The following ARFGEF1 variants were observed in gnomAD, a reference collection of about 807,000 sequenced individuals.
ARFGEF1 encodes the protein ARF guanine nucleotide exchange factor 1.
In ARFGEF1, 42 loss-of-function variants were observed where a neutral mutation model predicts 231.0. That is an observed-to-expected ratio of 0.18 (90% CI 0.14 to 0.24). The LOEUF (loss-of-function observed/expected upper bound fraction) is 0.24. ARFGEF1 is among the 10% of genes least tolerant of loss of function. The pLI is 1.00. For synonymous variants in ARFGEF1, 710 were observed against 732.3 expected, an observed-to-expected ratio of 0.97 and a Z score of 0.49; for missense variants, 1,345 against 2,192.0, an observed-to-expected ratio of 0.61 and a Z score of 7.72.
Position 67,198,335 on chromosome 8 carries a change from T to G in ARFGEF1, c.*599A>C, listed in dbSNP as rs1838180227. On this transcript the variant is annotated 3_prime_UTR_variant, in exon 39 of 39. Coordinates refer to ENST00000262215, the MANE Select transcript of ARFGEF1 (RefSeq NM_006421.5). ...GGTATTTAGCAAATGAATAAGAAAA[T>G]AAAGAAAACAGTGCAGGAAGAACTA... 3.0e-6 allele frequency: 3 copies of G among 983,974 alleles called. No individual in the cohort carries two copies. The highest frequency in any genetic ancestry group is 3.6e-6 in the Non-Finnish European group (3 of 828,436). The allele number at this position is 983,974 out of a possible 1,614,324, so 61.0% of individuals were successfully genotyped here. A position where few individuals can be genotyped will look rare whatever the true frequency, so the allele number is the denominator to read the frequency against.
chr8:67,203,319 T>C (rs1453571419), intron 35 of ARFGEF1, 68 bp from the exon 36 acceptor site: 7 of 1,545,442 alleles, frequency 4.5e-6, no homozygotes, highest in Non-Finnish European at 6.2e-6. Flanking sequence ...TACAACTCAA[T>C]GCTCCCCAAA....
chr8:67,275,861 T>A, intron 9 of ARFGEF1, 115 bp downstream of exon 9: 1 of 1,363,054 alleles, frequency 7.3e-7, no homozygotes, highest in Non-Finnish European at 9.9e-7. Flanking sequence ...TCCACCCAAT[T>A]TTTTTTTATG....
At chr8:67,337,732 G>C (rs1808414414) in intron 1 of ARFGEF1, among the ~76,000 whole-genome samples, 1 of 152,156 alleles carries the variant, frequency 6.6e-6, no homozygotes, top group Non-Finnish European at 1.5e-5. Context: ...CTCACAGATA[G>C]GACTTTCCTG....
intron 14 of ARFGEF1, among the ~76,000 whole-genome samples, chr8:67,260,868 A>G (rs560499566): frequency 6.6e-6 from 1 of 152,334 alleles, no homozygotes; most frequent in East Asian, 1.9e-4. Context: ...TCCAGTGAAT[A>G]CACCAGTAGG....
rs975502344 is a variant in ARFGEF1, at chr8:67,323,925, C to T, written c.124+19239G>A. ...ATGCCATTCTCCTGCCTCAGCCTCC[C>T]AAGTAGCTGGGACTACAGGCACCTG... On this transcript the variant is annotated intron_variant, in intron 1 of 38. Transcript: ENST00000262215. 6.6e-5 allele frequency among the ~76,000 whole-genome samples: 10 copies of T among 152,004 alleles called. No individual in the cohort carries two copies. In the East Asian group the frequency reaches 1.9e-3, roughly 29 times the overall value.
intron 4 of ARFGEF1, among the ~76,000 whole-genome samples, chr8:67,298,943 A>G (rs1212507559): frequency 1.3e-5 from 2 of 151,850 alleles, no homozygotes; most frequent in Non-Finnish European, 2.9e-5. Context: ...TTTTTTTGGT[A>G]TTTTTAGTAG....
chr8:67,329,575 A>G (rs1176562490), intron 1 of ARFGEF1, among the ~76,000 whole-genome samples: 3 of 149,916 alleles, frequency 2.0e-5, no homozygotes, highest in African/African-American at 7.3e-5. Context: ...TAAATAAATA[A>G]AAAGAATTTT....
intron 33 of ARFGEF1, 85 bp downstream of exon 33, chr8:67,216,505 A>C: frequency 1.6e-6 from 2 of 1,219,782 alleles, no homozygotes; most frequent in Non-Finnish European, 2.3e-6. Flanking sequence ...ATGGATTAAG[A>C]CAATTACATG....
At chr8:67,290,198 T>C (rs1805947640) in intron 6 of ARFGEF1, among the ~76,000 whole-genome samples, 1 of 152,166 alleles carries the variant, frequency 6.6e-6, no homozygotes, top group African/African-American at 2.4e-5. Context: ...GGAAACTATG[T>C]CTTTCTAACT....
chr8:67,239,209 T>C (rs188974811), intron 20 of ARFGEF1, among the ~76,000 whole-genome samples: 1 of 152,052 alleles, frequency 6.6e-6, no homozygotes, highest in African/African-American at 2.4e-5. Context: ...GGTTTCACCA[T>C]GTTGGCCAGG....
At chr8:67,192,803 CG>C (rs1298560582), downstream of ARFGEF1, among the ~76,000 whole-genome samples, 1 of 151,288 alleles carries the variant, frequency 6.6e-6, no homozygotes, top group South Asian at 2.1e-4. Context: ...CGTCCATAAA[CG>C]TAAGGATTTA....
At chr8:67,306,097 G>A (rs551626055) in intron 1 of ARFGEF1, among the ~76,000 whole-genome samples, 1 of 152,276 alleles carries the variant, frequency 6.6e-6, no homozygotes, top group South Asian at 2.1e-4. Context: ...CCTAAAGGAA[G>A]CACTTCACAA....
chr8:67,315,685 A>G (rs565635495), intron 1 of ARFGEF1, among the ~76,000 whole-genome samples: 5 of 152,336 alleles, frequency 3.3e-5, no homozygotes, highest in East Asian at 1.9e-4. Flanking sequence ...AGAAAAACTA[A>G]TATTTCCAAA....
intron 1 of ARFGEF1, among the ~76,000 whole-genome samples, chr8:67,314,356 C>A (rs918928179): frequency 1.3e-5 from 2 of 152,150 alleles, no homozygotes; most frequent in Non-Finnish European, 2.9e-5. Flanking sequence ...GTTTTACCCC[C>A]CTGCTCCTCT....
intron 5 of ARFGEF1, among the ~76,000 whole-genome samples, chr8:67,294,476 G>A (rs1240328915): frequency 6.6e-6 from 1 of 152,104 alleles, no homozygotes; most frequent in Non-Finnish European, 1.5e-5. Context: ...AAAAAAACCT[G>A]AATATAAATG....
In ARFGEF1 at chr8:67,246,075, T is replaced by C. The variant is rs948204195; in HGVS notation, c.2850+5224A>G. Among the ~76,000 whole-genome samples the C allele has an allele frequency of 1.0e-4, 15 of 150,210 alleles. 1 individual carries two copies. Among genetic ancestry groups the C allele is most frequent in the African/African-American group, 3.7e-4 (15 of 40,218 alleles). ...GTGTGTGGATGTGTGTGTGTGTATA[T>C]ATATAGATATGCACACCCAGCACTG... is the stretch of plus-strand genomic sequence containing the variant. On this transcript the variant is annotated intron_variant, in intron 19 of 38. Coordinates refer to ENST00000262215, the MANE Select transcript of ARFGEF1 (RefSeq NM_006421.5).
At chr8:67,248,798 C>G (rs1240055874) in intron 19 of ARFGEF1, among the ~76,000 whole-genome samples, 3 of 150,484 alleles carry the variant, frequency 2.0e-5, no homozygotes, top group Non-Finnish European at 4.4e-5. Context: ...AAAATTCATA[C>G]CTAGTAAACA....
chr8:67,217,782 G>A lies in ARFGEF1; in HGVS notation c.4613C>T (p.Ala1538Val), dbSNP rs1045151994. Residue 1538 changes from alanine to valine, a missense_variant and splice_region_variant, in exon 32 of 39, where the codon GCG becomes GTG. This residue lies in a region of ARFGEF1 where 54 missense variants were observed against 86.5 expected (regional missense o/e 0.62). Transcript: ENST00000262215. Reference protein sequence around the residue: ...LDIFKTTIPHALLTWRPNSGE... With the variant: ...LDIFKTTIPHVLLTWRPNSGE... ...GTAAAGTTGTATAAAATCTTCTTAC[G>A]CATGTGGGATTGTGGTTTTGAAGAT... 21 of 1,612,800 alleles carry A rather than the reference G, an allele frequency of 1.3e-5. No homozygotes were observed. The highest frequency in any genetic ancestry group is 1.4e-5 in the Non-Finnish European group (17 of 1,179,432).
In ARFGEF1 at chr8:67,312,256, A is replaced by AC. The variant is rs1199684404; in HGVS notation, c.125-9791_125-9790insG. On this transcript the variant is annotated intron_variant, in intron 1 of 38. Transcript: ENST00000262215. ...AATAAAAAAAAAATTAAAAAAAAAA[A>AC]AAAACAACACACACCAGAATCAAAC... Among the ~76,000 whole-genome samples, 405 of 151,776 alleles carry AC rather than the reference A, an allele frequency of 2.7e-3. 2 individuals carry two copies. The highest frequency in any genetic ancestry group is 9.5e-3 in the African/African-American group (395 of 41,430).
Sources: allele counts gnomAD v4.1 joint callset (sites outside exome capture counted in the v4.1 genomes callset), GRCh38; gene constraint gnomAD v4.1.1; regional missense constraint gnomAD v4.1.1; transcripts MANE v1.5; gene names NCBI Gene and HGNC (gene_info 2026-07-23, HGNC 2026-07-21).